Variants in MTDH observed in about 807,000 individuals in gnomAD.
The protein encoded by MTDH is protein LYRIC.
In MTDH, 34 loss-of-function variants were observed where a neutral mutation model predicts 72.7. That is an observed-to-expected ratio of 0.47 (90% CI 0.36 to 0.62). The LOEUF is 0.62. Among genes scored for constraint, MTDH ranks in the 20% least tolerant of loss-of-function variants. The probability of loss-of-function intolerance (pLI) is 0.00; values close to 1 mark genes in which losing one functional copy is unlikely to be tolerated. For missense variants in MTDH, 677 were observed against 699.4 expected (o/e 0.97, Z 0.36); for synonymous variants, 266 against 268.9 (o/e 0.99, Z 0.10).
At chr8:97,665,620 T>C (rs1812351711) in intron 2 of MTDH, among the ~76,000 whole-genome samples, 1 of 152,162 alleles carries the variant, frequency 6.6e-6, no homozygotes, top group Non-Finnish European at 1.5e-5. Flanking sequence ...GTATTTTCAG[T>C]AAGTAGGCAT....
chr8:97,670,342 A>G (rs571439905), intron 2 of MTDH, among the ~76,000 whole-genome samples: 162 of 151,894 alleles, frequency 1.1e-3, no homozygotes, highest in Non-Finnish European at 1.9e-3. Context: ...ACAAAAGACC[A>G]GCTTGGTGGC....
intron 2 of MTDH, among the ~76,000 whole-genome samples, chr8:97,665,882 T>G (rs1353124569): frequency 6.6e-6 from 1 of 152,098 alleles, no homozygotes; most frequent in Non-Finnish European, 1.5e-5. Flanking sequence ...ATCCCAGCAC[T>G]TTGAGAGGCA....
chr8:97,645,323 C>T (rs1008784536), intron 1 of MTDH, among the ~76,000 whole-genome samples: 2 of 152,172 alleles, frequency 1.3e-5, no homozygotes, highest in African/African-American at 4.8e-5. Flanking sequence ...CACATTGAGA[C>T]AGTAGGCAGT....
At chr8:97,664,661 C>T (rs868322799) in intron 2 of MTDH, among the ~76,000 whole-genome samples, 4 of 152,026 alleles carry the variant, frequency 2.6e-5, no homozygotes, top group African/African-American at 4.8e-5. Flanking sequence ...GTGTGTATTG[C>T]GCTTTGTGTT....
At chr8:97,721,675 C>T (rs1039994615) in intron 10 of MTDH, among the ~76,000 whole-genome samples, 1 of 152,124 alleles carries the variant, frequency 6.6e-6, no homozygotes, top group African/African-American at 2.4e-5. Context: ...TCTCACAACC[C>T]GAAGGCACTC....
chr8:97,650,826 C>T (rs945267103), intron 1 of MTDH, among the ~76,000 whole-genome samples: 1 of 152,124 alleles, frequency 6.6e-6, no homozygotes, highest in African/African-American at 2.4e-5. Context: ...GCCTCTCAGG[C>T]TCAAGCGATC....
intron 6 of MTDH, among the ~76,000 whole-genome samples, chr8:97,697,503 G>A (rs1009980229): frequency 4.1e-5 from 6 of 147,938 alleles, no homozygotes; most frequent in South Asian, 2.2e-4. Flanking sequence ...CTCCTGCCTC[G>A]GCGTCCCATG....
Position 97,719,081 on chromosome 8 carries a change from A to T in MTDH, c.1413A>T (p.Glu471Asp). The change falls in exon 10 of 12, where the codon GAA becomes GAT. Residue 471 changes from glutamate to aspartate, a missense_variant. Physicochemically the swap from Glu to Asp is conservative, Grantham distance 45 (BLOSUM62 2). Around this residue, in one of 3 missense-constraint regions of MTDH, gnomAD observed 201 missense variants for 204.5 expected, o/e 0.98. Transcript: ENST00000336273. ...DTEELEKEIR[E>D]DLPVNTSKTR... ...AAGAATTAGAAAAAGAGATTAGAGA[A>T]GACCTTCCAGTGAATACCTCTAAAA... 1 of 1,612,282 alleles carries T rather than the reference A, an allele frequency of 6.2e-7. No individual in the cohort carries two copies. Among genetic ancestry groups the T allele is most frequent in the Non-Finnish European group, 8.5e-7 (1 of 1,178,892 alleles).
At chr8:97,678,594 C>CCTTTTTT (rs1812947214) in intron 2 of MTDH, among the ~76,000 whole-genome samples, 1 of 85,312 alleles carries the variant, frequency 1.2e-5, no homozygotes, top group Non-Finnish European at 2.1e-5. Flanking sequence ...TTCCTTCCTT[C>CCTTTTTT]TTTTTTTTTT....
In MTDH at chr8:97,722,856, G is replaced by A. The variant is rs554972610; in HGVS notation, c.1522-23G>A. On this transcript the variant is annotated intron_variant, in intron 10 of 11. Transcript: ENST00000336273. ...ATTTGAAAATTTCACCAAAAAACCTGAGATGATTTTTTCCTAAAATAGCCT... is the reference window on the plus strand; with the variant it reads ...ATTTGAAAATTTCACCAAAAAACCTAAGATGATTTTTTCCTAAAATAGCCT... 6.3e-6 allele frequency: 10 copies of A among 1,578,358 alleles called. No individual in the cohort carries two copies. The South Asian group carries it at 1.1e-4, about 17-fold the overall frequency.
chr8:97,722,426 C>T (rs1015546717), intron 10 of MTDH, among the ~76,000 whole-genome samples: 4 of 152,014 alleles, frequency 2.6e-5, no homozygotes, highest in African/African-American at 7.3e-5. Flanking sequence ...ACAGTGAAAC[C>T]TTGTCTCTAC....
chr8:97,719,204 T>A lies in MTDH; in HGVS notation c.1521+15T>A, dbSNP rs201432988. 20 of 1,609,226 alleles carry A rather than the reference T, an allele frequency of 1.2e-5. No homozygotes were observed. In the African/African-American group the frequency reaches 2.5e-4, roughly 20 times the overall value. Reference sequence around the variant, plus strand: ...AAAATAGCCAGGTAATTTTTAAGAATAATAAAGTTGCCGGGCGCAGTGGCT... The same window carrying A: ...AAAATAGCCAGGTAATTTTTAAGAAAAATAAAGTTGCCGGGCGCAGTGGCT... On this transcript the variant is annotated intron_variant, in intron 10 of 11. Transcript: ENST00000336273.
intron 9 of MTDH, among the ~76,000 whole-genome samples, chr8:97,716,708 TTTTG>T (rs773411013): frequency 7.2e-5 from 11 of 152,130 alleles, no homozygotes; most frequent in South Asian, 2.1e-4. Flanking sequence ...TTTTGTTTTG[TTTTG>T]TTTGTTTGTT....
chr8:97,685,181 A>G (rs931583731), intron 2 of MTDH, among the ~76,000 whole-genome samples: 1 of 152,184 alleles, frequency 6.6e-6, no homozygotes, highest in East Asian at 1.9e-4. Context: ...ATCTCCACAT[A>G]TCTTTTTTTT....
chr8:97,682,272 ATATATATATTTTTTTTTTTTTTTTTTT>A, intron 2 of MTDH, among the ~76,000 whole-genome samples: 3 of 6,124 alleles, frequency 4.9e-4, no homozygotes, highest in South Asian at 0.014. Context: ...ATATATATAT[ATATATATATTTTTTTTTTTTTTTTTTT>A]TTTTTTTTTT....
At chr8:97,677,422 C>T (rs1321705378) in intron 2 of MTDH, among the ~76,000 whole-genome samples, 3 of 145,084 alleles carry the variant, frequency 2.1e-5, no homozygotes, top group Admixed American at 1.4e-4. Flanking sequence ...ACCTGGGAGG[C>T]GGAGGTTGCA....
rs1390378338 is a variant in MTDH, at chr8:97,727,974, T to G, written c.*3304T>G. 1 of 152,144 alleles carries G rather than the reference T, an allele frequency of 6.6e-6. No homozygotes were observed. The highest frequency in any genetic ancestry group is 1.5e-5 in the Non-Finnish European group (1 of 68,028). 9.4% of individuals were successfully genotyped at this position (152,144 alleles called of 1,614,324 possible). A position where few individuals can be genotyped will look rare whatever the true frequency, so the allele number is the denominator to read the frequency against. On this transcript the variant is annotated 3_prime_UTR_variant, in exon 12 of 12. Coordinates refer to ENST00000336273, the MANE Select transcript of MTDH (RefSeq NM_178812.4). ...GGGAGGTCAGAATAATTCACCCAAA[T>G]CTAGTGGTCTTATTTCATAGGCTAA...
intron 9 of MTDH, among the ~76,000 whole-genome samples, chr8:97,715,863 T>C (rs1814848719): frequency 6.6e-6 from 1 of 152,226 alleles, no homozygotes; most frequent in Admixed American, 6.5e-5. Context: ...CAAAGGTCAT[T>C]AACATGTGAC....
At chr8:97,695,827 A>G (rs1813814187) in intron 6 of MTDH, among the ~76,000 whole-genome samples, 1 of 152,232 alleles carries the variant, frequency 6.6e-6, no homozygotes, top group South Asian at 2.1e-4. Context: ...TTGTAATGAA[A>G]GTCAAGTACC....
Sources: gnomAD v4.1 joint callset for allele counts (sites outside exome capture counted in the v4.1 genomes callset) on GRCh38, gnomAD v4.1.1 for gene constraint, gnomAD v4.1.1 regional missense constraint, MANE v1.5 for transcripts, NCBI Gene and HGNC (gene_info 2026-07-23, HGNC 2026-07-21) for gene names.